The following PNP variants were observed in gnomAD, a reference collection of about 807,000 sequenced individuals.
The protein encoded by PNP is HEL-S-156an.
PNP carries 18 observed loss-of-function variants against 26.8 expected under a neutral mutation model. That is an observed-to-expected ratio of 0.67 (90% confidence interval 0.46 to 1.00). The LOEUF is 1.00. Ranked by LOEUF, PNP falls within the 50% of genes least tolerant of loss-of-function variation. The probability of loss-of-function intolerance (pLI) is 0.00; values close to 1 mark genes in which losing one functional copy is unlikely to be tolerated. For synonymous variants in PNP, 116 were observed against 124.8 expected (o/e 0.93, Z 0.47); for missense variants, 320 against 362.9 (o/e 0.88, Z 0.96).
Position 20,476,802 on chromosome 14 carries a change from G to C in PNP, c.*201G>C. 3.2e-6 allele frequency: 2 copies of C among 625,518 alleles called. No individual in the cohort carries two copies. Among genetic ancestry groups the C allele is most frequent in the South Asian group, 3.6e-5 (2 of 56,170 alleles). 38.7% of individuals were successfully genotyped at this position (625,518 alleles called of 1,614,324 possible). A position where few individuals can be genotyped will look rare whatever the true frequency, so the allele number is the denominator to read the frequency against. ...CTCAAAGCTGGGATTACAGGTGTGA[G>C]CATAGTGAGACCTTGGCGCTACAAA... On this transcript the variant is annotated 3_prime_UTR_variant, in exon 6 of 6. Coordinates refer to ENST00000361505, the MANE Select transcript of PNP (RefSeq NM_000270.4).
chr14:20,475,258 A>T lies in PNP; in HGVS notation c.652+6A>T. ...GCTGGGAGCAGACGCTGTTGGTGAG[A>T]AGGGGAATTTGGCTGGAAGCTTGAA... is the stretch of plus-strand genomic sequence containing the variant. On this transcript the variant is annotated splice_donor_region_variant and intron_variant, in intron 5 of 5. Transcript: ENST00000361505. 3 of 1,609,738 alleles carry T rather than the reference A, an allele frequency of 1.9e-6. No homozygotes were observed. In the South Asian group the frequency reaches 3.3e-5, roughly 18 times the overall value.
chr14:20,476,338 T>A, intron 5 of PNP, 46 bp from the exon 6 acceptor site: 1 of 1,419,494 alleles, frequency 7.0e-7, no homozygotes, highest in Non-Finnish European at 1.0e-6. Flanking sequence ...AGGAAAAGAG[T>A]TATTTGAGGA....
chr14:20,474,405 GTGCTTAATGGATATGTGTTGCA>G, intron 2 of PNP, 45 bp from the exon 3 acceptor site: 1 of 1,287,610 alleles, frequency 7.8e-7, no homozygotes, highest in Non-Finnish European at 1.1e-6. Context: ...CTCACAGTAG[GTGCTTAATGGATATGTGTTGCA>G]TGAAAATATA....
Position 20,472,320 on chromosome 14 carries a change from A to C in PNP, c.24A>C (p.Glu8Asp), listed in dbSNP as rs1269510385. 3 of 1,613,770 alleles carry C rather than the reference A, an allele frequency of 1.9e-6. No individual in the cohort carries two copies. MENGYTY[E>D]DYKNTAEWLL... The stretch of plus-strand genomic sequence containing the variant: ...TTTTCTCCCCCAGATACACCTATGA[A>C]GATTATAAGAACACTGCAGAATGGC... Residue 8 changes from glutamate (E) to aspartate (D), a missense_variant, in exon 2 of 6, where the codon GAA becomes GAC. Coordinates refer to ENST00000361505, the MANE Select transcript of PNP (RefSeq NM_000270.4).
In PNP at chr14:20,477,079, AG is replaced by A; in HGVS notation, c.*479del. On this transcript the variant is annotated 3_prime_UTR_variant, in exon 6 of 6. Transcript: ENST00000361505. ...CATAATGTTGTCAGAATAAAGAGAAAGATGAAATAATTTCATTTTTTTGTGT... is the reference window on the plus strand; with the variant it reads ...CATAATGTTGTCAGAATAAAGAGAAAATGAAATAATTTCATTTTTTTGTGT... 1 of 199,190 alleles carries A rather than the reference AG, an allele frequency of 5.0e-6. No individual in the cohort carries two copies. 12.3% of individuals were successfully genotyped at this position (199,190 alleles called of 1,614,324 possible). A position where few individuals can be genotyped will look rare whatever the true frequency, so the allele number is the denominator to read the frequency against.
At position 20,475,114 on chromosome 14, in the gene PNP, C is replaced by T; in HGVS notation, c.514C>T (p.Gln172Ter). 1 of 1,614,146 alleles carries T rather than the reference C, an allele frequency of 6.2e-7. No individual in the cohort carries two copies. Among genetic ancestry groups the T allele is most frequent in the Non-Finnish European group, 8.5e-7 (1 of 1,180,032 alleles). Residue 172 changes from glutamine to a stop codon, truncating the protein, a stop_gained, in exon 5 of 6, where the codon CAG (glutamine) becomes TAG (stop). Transcript: ENST00000361505. LOFTEE classifies it high-confidence loss of function. ...TGATGCCTACGACCGGACTATGAGG[C>T]AGAGGGCTCTCAGTACCTGGAAACA... ...MSDAYDRTMRQRALSTWKQMG... is the reference protein window; with the variant it reads ...MSDAYDRTMR
intron 5 of PNP, among the ~76,000 whole-genome samples, chr14:20,475,917 T>C (rs935748602): frequency 2.6e-5 from 4 of 152,198 alleles, no homozygotes; most frequent in East Asian, 1.9e-4. Context: ...AAGGATTGTA[T>C]TGGTAATTTT....
At chr14:20,471,246 T>C (rs1020241604) in intron 1 of PNP, among the ~76,000 whole-genome samples, 2 of 147,236 alleles carry the variant, frequency 1.4e-5, no homozygotes, top group African/African-American at 5.1e-5. Flanking sequence ...AGACGGGGTT[T>C]CAACATGTTA....
At chr14:20,475,307 G>T in intron 5 of PNP, 55 bp downstream of exon 5, 1 of 1,493,644 alleles carries the variant, frequency 6.7e-7, no homozygotes. Context: ...AGCAAAATGG[G>T]AAGGGGAAGG....
At position 20,476,805 on chromosome 14, in the gene PNP, T is replaced by C. The variant is rs1566526498; in HGVS notation, c.*204T>C. 3 of 616,600 alleles carry C rather than the reference T, an allele frequency of 4.9e-6. No individual in the cohort carries two copies. The highest frequency in any genetic ancestry group is 8.7e-6 in the Non-Finnish European group (3 of 344,134). The allele number at this position is 616,600 out of a possible 1,614,324, so 38.2% of individuals were successfully genotyped here. ...AAAGCTGGGATTACAGGTGTGAGCATAGTGAGACCTTGGCGCTACAAAATA... is the reference window on the plus strand; with the variant it reads ...AAAGCTGGGATTACAGGTGTGAGCACAGTGAGACCTTGGCGCTACAAAATA... On this transcript the variant is annotated 3_prime_UTR_variant, in exon 6 of 6. Coordinates refer to ENST00000361505, the MANE Select transcript of PNP (RefSeq NM_000270.4).
chr14:20,474,902 C>G lies in PNP; in HGVS notation c.415C>G (p.Pro139Ala). The G allele has an allele frequency of 6.2e-7, 1 of 1,614,142 alleles. No individual in the cohort carries two copies. Among genetic ancestry groups the G allele is most frequent in the Non-Finnish European group, 8.5e-7 (1 of 1,180,040 alleles). Residue 139 changes from proline to alanine, a missense_variant, in exon 4 of 6, where the codon CCT (proline) becomes GCT (alanine). Coordinates refer to ENST00000361505, the MANE Select transcript of PNP (RefSeq NM_000270.4). ...GCTGATCCGTGACCATATCAACCTA[C>G]CTGGTTTCAGTGGTCAGAACCCTCT... ...IMLIRDHINL[P>A]GFSGQNPLRG... is the part of the protein sequence containing the mutation.
At chr14:20,473,317 T>G (rs776097977) in intron 2 of PNP, 9 of 152,160 alleles carry the variant, frequency 5.9e-5, no homozygotes, top group Admixed American at 2.0e-4. Context: ...ATCTTTGCAC[T>G]CCCACGCACC....
intron 1 of PNP, 43 bp from the exon 2 acceptor site, chr14:20,472,265 T>G (rs1236278412): frequency 1.3e-6 from 2 of 1,570,672 alleles, no homozygotes; most frequent in East Asian, 4.5e-5. Flanking sequence ...GTGATGCCCT[T>G]GGAATGGGAG....
At chr14:20,471,725 A>G (rs753505420) in intron 1 of PNP, among the ~76,000 whole-genome samples, 9 of 152,178 alleles carry the variant, frequency 5.9e-5, no homozygotes, top group Non-Finnish European at 1.5e-5. Flanking sequence ...TGAGGAAGGA[A>G]CTGGAGGAAT....
chr14:20,471,194 C>G (rs1760939), intron 1 of PNP, among the ~76,000 whole-genome samples: 2 of 119,338 alleles, frequency 1.7e-5, no homozygotes, highest in African/African-American at 6.9e-5. Flanking sequence ...CCACGCCCGG[C>G]TAATTTTTTT....
At position 20,474,884 on chromosome 14, in the gene PNP, C is replaced by T. The variant is rs776537078; in HGVS notation, c.397C>T (p.Arg133Cys). Residue 133 changes from arginine (R) to cysteine (C), a missense_variant, in exon 4 of 6, where the codon CGT (arginine) becomes TGT (cysteine). Transcript: ENST00000361505. ...KFEVGDIMLIRDHINLPGFSG... is the reference protein window; with the variant it reads ...KFEVGDIMLICDHINLPGFSG... ...TGAGGTTGGAGATATCATGCTGATC[C>T]GTGACCATATCAACCTACCTGGTTT... 12 of 1,614,158 alleles carry T rather than the reference C, an allele frequency of 7.4e-6. No homozygotes were observed. The highest frequency in any genetic ancestry group is 4.4e-5 in the South Asian group (4 of 91,086).
chr14:20,471,438 TA>T (rs1484909745), intron 1 of PNP, among the ~76,000 whole-genome samples: 4 of 151,568 alleles, frequency 2.6e-5, no homozygotes, highest in Non-Finnish European at 4.4e-5. Flanking sequence ...GTGTTTTTTA[TA>T]GGGTCTCACT....
At chr14:20,470,297 A>C (rs749864570) in intron 1 of PNP, among the ~76,000 whole-genome samples, 1 of 152,230 alleles carries the variant, frequency 6.6e-6, no homozygotes, top group Non-Finnish European at 1.5e-5. Flanking sequence ...GTGGCTAGAC[A>C]TGCCATGTGG....
intron 2 of PNP, 126 bp from the exon 3 acceptor site, chr14:20,474,346 A>G (rs1594427084): frequency 1.3e-6 from 1 of 795,808 alleles, no homozygotes; most frequent in Non-Finnish European, 2.1e-6. Context: ...AGAGATAATA[A>G]TGAGTCTTTT....
Sources: gnomAD v4.1 joint callset for allele counts (sites outside exome capture counted in the v4.1 genomes callset) on GRCh38, gnomAD v4.1.1 for gene constraint, MANE v1.5 for transcripts, NCBI Gene and HGNC (gene_info 2026-07-23, HGNC 2026-07-21) for gene names.